MSRA: variants seen among roughly 807,000 people sequenced by gnomAD.
MSRA encodes the protein methionine sulfoxide reductase A, also known as mitochondrial peptide methionine sulfoxide reductase.
Under a neutral mutation model 31.3 loss-of-function variants are expected in MSRA, and 54 were observed. The observed-to-expected ratio is 1.73, with a 90% CI of 1.39 to 2.17. MSRA has a LOEUF of 2.17. Among genes scored for constraint, MSRA ranks in the 30% most tolerant of loss-of-function variants. MSRA has a pLI of 0.00. For missense variants in MSRA, 507 were observed against 300.9 expected, an observed-to-expected ratio of 1.69 and a Z score of -5.07; for synonymous variants, 169 against 116.5, an observed-to-expected ratio of 1.45 and a Z score of -2.90.
chr8:10,205,497 C>A (rs547524214), intron 1 of MSRA, among the ~76,000 whole-genome samples: 2 of 152,008 alleles, frequency 1.3e-5, no homozygotes, highest in Non-Finnish European at 2.9e-5. Flanking sequence ...TGTAGTTTTG[C>A]GGTGTTCAGA....
intron 1 of MSRA, among the ~76,000 whole-genome samples, chr8:10,176,308 C>G (rs557500669): frequency 6.6e-6 from 1 of 152,140 alleles, no homozygotes; most frequent in African/African-American, 2.4e-5. Context: ...CAAATCAAGC[C>G]TCCTCAGAGA....
intron 5 of MSRA, among the ~76,000 whole-genome samples, chr8:10,374,336 G>T (rs971214388): frequency 5.3e-5 from 8 of 152,286 alleles, no homozygotes; most frequent in African/African-American, 1.9e-4. Context: ...GCACCAGCGG[G>T]AGTGGGAAGA....
intron 1 of MSRA, among the ~76,000 whole-genome samples, chr8:10,071,123 C>T (rs554615692): frequency 2.0e-5 from 3 of 152,346 alleles, no homozygotes; most frequent in South Asian, 4.1e-4. Flanking sequence ...CCACCAGCAA[C>T]ATATGAAGGA....
intron 3 of MSRA, among the ~76,000 whole-genome samples, chr8:10,246,209 A>T (rs765198162): frequency 6.6e-6 from 1 of 152,214 alleles, no homozygotes; most frequent in Non-Finnish European, 1.5e-5. Context: ...GCAACCAACT[A>T]TGTGGTCTGC....
At chr8:10,113,313 TTGGAGG>T in intron 1 of MSRA, among the ~76,000 whole-genome samples, 1 of 125,574 alleles carries the variant, frequency 8.0e-6, no homozygotes, top group Non-Finnish European at 1.5e-5. Flanking sequence ...TTTTTTTTTT[TTGGAGG>T]TGTGTGTTTA....
At chr8:10,256,610 G>GAAA (rs1198094106) in intron 3 of MSRA, among the ~76,000 whole-genome samples, 7 of 152,072 alleles carry the variant, frequency 4.6e-5, no homozygotes, top group African/African-American at 7.2e-5. Flanking sequence ...TTTCTTTTCT[G>GAAA]AGCCACATAA....
chr8:10,320,534 C>T (rs369187312), intron 5 of MSRA, among the ~76,000 whole-genome samples: 4 of 152,228 alleles, frequency 2.6e-5, no homozygotes, highest in Non-Finnish European at 5.9e-5. Flanking sequence ...GATGAAGACA[C>T]AGCCTGTTAA....
At chr8:10,417,639 A>G (rs1178197419) in intron 5 of MSRA, among the ~76,000 whole-genome samples, 1 of 151,484 alleles carries the variant, frequency 6.6e-6, no homozygotes, top group African/African-American at 2.4e-5. Flanking sequence ...AAGCCATCCC[A>G]GTCATTTCAC....
At chr8:10,100,559 G>T (rs1444561620) in intron 1 of MSRA, among the ~76,000 whole-genome samples, 2 of 152,094 alleles carry the variant, frequency 1.3e-5, no homozygotes, top group Non-Finnish European at 2.9e-5. Context: ...GTGTTCTAGA[G>T]AACATGGTGA....
At chr8:10,397,896 C>A (rs1807200075) in intron 5 of MSRA, among the ~76,000 whole-genome samples, 2 of 152,170 alleles carry the variant, frequency 1.3e-5, no homozygotes, top group Non-Finnish European at 1.5e-5. Context: ...CCCATTATAA[C>A]AGCTTGTTGC....
At chr8:10,072,593 C>T (rs751336204) in intron 1 of MSRA, among the ~76,000 whole-genome samples, 10 of 152,128 alleles carry the variant, frequency 6.6e-5, no homozygotes, top group Non-Finnish European at 1.5e-4. Context: ...TAAGGTCTGT[C>T]CCACTCCATA....
At chr8:10,186,896 G>A (rs923018414) in intron 1 of MSRA, among the ~76,000 whole-genome samples, 1 of 152,132 alleles carries the variant, frequency 6.6e-6, no homozygotes, top group Non-Finnish European at 1.5e-5. Context: ...TTTGGTTTTT[G>A]TAAAAATACC....
chr8:10,260,938 A>G (rs1254431220), intron 3 of MSRA, among the ~76,000 whole-genome samples: 1 of 152,222 alleles, frequency 6.6e-6, no homozygotes. Flanking sequence ...TTTTCTAAAC[A>G]CTGAATCTTT....
intron 3 of MSRA, among the ~76,000 whole-genome samples, chr8:10,286,868 C>T (rs892544664): frequency 9.2e-5 from 14 of 152,230 alleles, no homozygotes; most frequent in African/African-American, 1.7e-4. Flanking sequence ...CCTGTGTGTA[C>T]GCACATGTGT....
chr8:10,156,940 A>G (rs1247461838), intron 1 of MSRA, among the ~76,000 whole-genome samples: 1 of 151,292 alleles, frequency 6.6e-6, no homozygotes, highest in Non-Finnish European at 1.5e-5. Flanking sequence ...TCATTTATGA[A>G]GACCTACTGT....
At position 10,301,528 on chromosome 8, in the gene MSRA, T is replaced by TC; in HGVS notation, c.332-4dup. 1 of 1,606,596 alleles carries TC rather than the reference T, an allele frequency of 6.2e-7. No homozygotes were observed. The highest frequency in any genetic ancestry group is 8.5e-7 in the Non-Finnish European group (1 of 1,177,960). On this transcript the variant is annotated splice_region_variant and splice_polypyrimidine_tract_variant and intron_variant, in intron 3 of 5. Coordinates refer to ENST00000317173, the MANE Select transcript of MSRA (RefSeq NM_012331.5). ...AATTTCGGTTGTACGTTTTGTTTTTTCCAAGAAAAAACTGGCCATGCAGAA... is the reference window on the plus strand; with the variant it reads ...AATTTCGGTTGTACGTTTTGTTTTTTCCCAAGAAAAAACTGGCCATGCAGAA...
chr8:10,072,906 T>C (rs901950023), intron 1 of MSRA, among the ~76,000 whole-genome samples: 1 of 152,222 alleles, frequency 6.6e-6, no homozygotes, highest in African/African-American at 2.4e-5. Context: ...CACCTGTTCA[T>C]TGATAGTATT....
chr8:10,197,018 T>G (rs190939321), intron 1 of MSRA, among the ~76,000 whole-genome samples: 1 of 152,368 alleles, frequency 6.6e-6, no homozygotes, highest in East Asian at 1.9e-4. Context: ...TTCCTTTTGG[T>G]CTATAGCCAT....
At chr8:10,215,210 C>T (rs746065942) in intron 2 of MSRA, among the ~76,000 whole-genome samples, 11 of 152,170 alleles carry the variant, frequency 7.2e-5, no homozygotes, top group South Asian at 6.2e-4. Context: ...GAAAGTGAAG[C>T]CCTCCTCCCA....
Sources: allele counts gnomAD v4.1 joint callset (sites outside exome capture counted in the v4.1 genomes callset), GRCh38; gene constraint gnomAD v4.1.1; transcripts MANE v1.5; gene names NCBI Gene and HGNC (gene_info 2026-07-23, HGNC 2026-07-21).